PNP: variants seen among roughly 807,000 people sequenced by gnomAD.
The protein encoded by PNP is HEL-S-156an.
Under a neutral mutation model 26.8 loss-of-function variants are expected in PNP, and 18 were observed. The observed-to-expected ratio is 0.67, with a 90% CI of 0.46 to 1.00. PNP has a LOEUF of 1.00. PNP is among the 50% of genes least tolerant of loss of function. PNP has a pLI of 0.00. For synonymous variants in PNP, 116 were observed against 124.8 expected (o/e 0.93, Z 0.47); for missense variants, 320 against 362.9 (o/e 0.88, Z 0.96).
chr14:20,474,205 A>T (rs1057011629), intron 2 of PNP: 2 of 414,850 alleles, frequency 4.8e-6, no homozygotes, highest in African/African-American at 2.0e-5. Context: ...AAATTTCTTT[A>T]AAAAGCCCTT....
intron 2 of PNP, chr14:20,472,830 T>C: frequency 7.6e-6 from 2 of 263,066 alleles, no homozygotes; most frequent in Non-Finnish European, 1.5e-5. Context: ...TCTATCTTCT[T>C]TTCCCTGGAG....
In PNP at chr14:20,474,839, G is replaced by A. The variant is rs1882064175; in HGVS notation, c.352G>A (p.Gly118Arg). 1 of 1,614,094 alleles carries A rather than the reference G, an allele frequency of 6.2e-7. No individual in the cohort carries two copies. The highest frequency in any genetic ancestry group is 1.3e-5 in the African/African-American group (1 of 74,926). Reference protein sequence around the residue: ...VDTLVVTNAAGGLNPKFEVGD... With the variant: ...VDTLVVTNAARGLNPKFEVGD... ...CACCCTGGTAGTCACCAATGCAGCAGGAGGGCTGAACCCCAAGTTTGAGGT... is the reference window on the plus strand; with the variant it reads ...CACCCTGGTAGTCACCAATGCAGCAAGAGGGCTGAACCCCAAGTTTGAGGT... The change falls in exon 4 of 6, where the codon GGA (glycine) becomes AGA (arginine). Residue 118 changes from glycine (G) to arginine (R), a missense_variant. Coordinates refer to ENST00000361505, the MANE Select transcript of PNP (RefSeq NM_000270.4).
chr14:20,469,439 G>C lies in PNP; in HGVS notation c.-86G>C, dbSNP rs1881935218. 1 of 1,529,864 alleles carries C rather than the reference G, an allele frequency of 6.5e-7. No homozygotes were observed. The highest frequency in any genetic ancestry group is 8.9e-7 in the Non-Finnish European group (1 of 1,128,758). 94.8% of individuals were successfully genotyped at this position (1,529,864 alleles called of 1,614,324 possible). On this transcript the variant is annotated 5_prime_UTR_variant, in exon 1 of 6. Transcript: ENST00000361505. Reference sequence around the variant, plus strand: ...GAACCAGACCCGGCAGCCTTGCTCAGTTCAGCATAGCGGAGCGGATCCGAT... The same window carrying C: ...GAACCAGACCCGGCAGCCTTGCTCACTTCAGCATAGCGGAGCGGATCCGAT...
At chr14:20,469,823 C>CGT (rs898285779) in intron 1 of PNP, 52 of 596,770 alleles carry the variant, frequency 8.7e-5, no homozygotes, top group Non-Finnish European at 1.4e-4. Flanking sequence ...TGTGTGTCTC[C>CGT]GTGTGTGTGT....
intron 5 of PNP, among the ~76,000 whole-genome samples, chr14:20,475,803 T>A (rs1272410413): frequency 6.6e-6 from 1 of 152,136 alleles, no homozygotes; most frequent in African/African-American, 2.4e-5. Flanking sequence ...TGACTGTTTC[T>A]AAGAATTCTA....
chr14:20,470,474 A>C (rs1881964221), intron 1 of PNP: 1 of 152,280 alleles, frequency 6.6e-6, no homozygotes, highest in Admixed American at 6.5e-5. Context: ...TTGTGCAATC[A>C]TGTCTGGTTT....
chr14:20,474,284 A>G lies in PNP; in HGVS notation c.182-188A>G, dbSNP rs535548064. The G allele has an allele frequency of 9.9e-5, 58 of 585,586 alleles. No homozygotes were observed. The African/African-American group carries it at 1.1e-3, about 11-fold the overall frequency. 36.3% of individuals were successfully genotyped at this position (585,586 alleles called of 1,614,324 possible). A position where few individuals can be genotyped will look rare whatever the true frequency, so the allele number is the denominator to read the frequency against. ...ATCTCTAATCTTGGGTTGTATTTGT[A>G]TAATTATTAGTAATGCCTGGCTCTC... On this transcript the variant is annotated intron_variant, in intron 2 of 5. Coordinates refer to ENST00000361505, the MANE Select transcript of PNP (RefSeq NM_000270.4).
Position 20,476,769 on chromosome 14 carries a change from ATCCTCTTC to A in PNP, c.*171_*178del, listed in dbSNP as rs1882124707. The A allele has an allele frequency of 1.5e-6, 1 of 679,662 alleles. No homozygotes were observed. Among genetic ancestry groups the A allele is most frequent in the Admixed American group, 2.1e-5 (1 of 47,376 alleles). 42.1% of individuals were successfully genotyped at this position (679,662 alleles called of 1,614,324 possible). The stretch of plus-strand genomic sequence containing the variant: ...TTCTACCAGACCCTTCTGGTGCCAG[ATCCTCTTC>A]TCAAAGCTGGGATTACAGGTGTGAG... On this transcript the variant is annotated 3_prime_UTR_variant, in exon 6 of 6. Coordinates refer to ENST00000361505, the MANE Select transcript of PNP (RefSeq NM_000270.4).
At chr14:20,470,638 CG>C (rs1881967266) in intron 1 of PNP, 1 of 152,238 alleles carries the variant, frequency 6.6e-6, no homozygotes, top group African/African-American at 2.4e-5. Flanking sequence ...AAAAGTAACA[CG>C]GGTTGATTCT....
At chr14:20,470,752 A>C (rs1242341053) in intron 1 of PNP, 1 of 152,524 alleles carries the variant, frequency 6.6e-6, no homozygotes, top group Non-Finnish European at 1.5e-5. Flanking sequence ...GGGGAAGGAC[A>C]GGAAGAAGAC....
At chr14:20,470,640 G>C (rs1457585401) in intron 1 of PNP, 3 of 152,422 alleles carry the variant, frequency 2.0e-5, no homozygotes, top group East Asian at 3.8e-4. Flanking sequence ...AAGTAACACG[G>C]GTTGATTCTT....
At chr14:20,476,299 A>G (rs1882109715) in intron 5 of PNP, 85 bp from the exon 6 acceptor site, 2 of 1,117,598 alleles carry the variant, frequency 1.8e-6, no homozygotes, top group Non-Finnish European at 2.7e-6. Flanking sequence ...GAGATTTTTA[A>G]TTCTTGTTGA....
intron 2 of PNP, chr14:20,473,187 C>T (rs1882025934): frequency 6.6e-6 from 1 of 152,280 alleles, no homozygotes; most frequent in Admixed American, 6.5e-5. Flanking sequence ...GAGAATTTCT[C>T]AGCTCTTCCT....
chr14:20,476,820 G>A lies in PNP; in HGVS notation c.*219G>A, dbSNP rs987189241. ...GGTGTGAGCATAGTGAGACCTTGGC[G>A]CTACAAAATAAAGCTGTTCTCATTC... On this transcript the variant is annotated 3_prime_UTR_variant, in exon 6 of 6. Transcript: ENST00000361505. 17 of 582,786 alleles carry A rather than the reference G, an allele frequency of 2.9e-5. No individual in the cohort carries two copies. The highest frequency in any genetic ancestry group is 1.7e-4 in the South Asian group (9 of 52,064). 36.1% of individuals were successfully genotyped at this position (582,786 alleles called of 1,614,324 possible). A position where few individuals can be genotyped will look rare whatever the true frequency, so the allele number is the denominator to read the frequency against.
At position 20,476,467 on chromosome 14, in the gene PNP, A is replaced by G. The variant is rs761403833; in HGVS notation, c.736A>G (p.Ile246Val). Residue 246 changes from isoleucine to valine, a missense_variant, in exon 6 of 6, where the codon ATC (isoleucine) becomes GTC (valine). Ile to Val is a conservative substitution (Grantham distance 29, BLOSUM62 3). Coordinates refer to ENST00000361505, the MANE Select transcript of PNP (RefSeq NM_000270.4). ...CTTCTCACTCATCACTAACAAGGTCATCATGGATTATGAAAGCCTGGAGAA... is the reference window on the plus strand; with the variant it reads ...CTTCTCACTCATCACTAACAAGGTCGTCATGGATTATGAAAGCCTGGAGAA... Reference protein sequence around the residue: ...FGFSLITNKVIMDYESLEKAN... With the variant: ...FGFSLITNKVVMDYESLEKAN... The G allele has an allele frequency of 1.2e-6, 2 of 1,614,224 alleles. No individual in the cohort carries two copies. The highest frequency in any genetic ancestry group is 1.7e-5 in the Admixed American group (1 of 60,030).
rs1371920044 is a variant in PNP, at chr14:20,474,393, A to G, written c.182-79A>G. On this transcript the variant is annotated intron_variant, in intron 2 of 5. Transcript: ENST00000361505. ...ACCTAACATTTTGAGCAGAGCGAGTAACTCACAGTAGGTGCTTAATGGATA... is the reference window on the plus strand; with the variant it reads ...ACCTAACATTTTGAGCAGAGCGAGTGACTCACAGTAGGTGCTTAATGGATA... 1.3e-5 allele frequency: 15 copies of G among 1,152,726 alleles called. No individual in the cohort carries two copies. The Admixed American group carries it at 2.1e-4, about 16-fold the overall frequency. 71.4% of individuals were successfully genotyped at this position (1,152,726 alleles called of 1,614,324 possible). A position where few individuals can be genotyped will look rare whatever the true frequency, so the allele number is the denominator to read the frequency against.
In PNP at chr14:20,476,408, T is replaced by C; in HGVS notation, c.677T>C (p.Ile226Thr). The C allele has an allele frequency of 6.2e-7, 1 of 1,614,048 alleles. No individual in the cohort carries two copies. The highest frequency in any genetic ancestry group is 1.1e-5 in the South Asian group (1 of 91,066). The change falls in exon 6 of 6, where the codon ATC (isoleucine) becomes ACC (threonine). Residue 226 changes from isoleucine (I) to threonine (T), a missense_variant. Transcript: ENST00000361505. ...GGCATGAGTACAGTACCAGAAGTTA[T>C]CGTTGCACGGCACTGTGGACTTCGA... ...AVGMSTVPEVIVARHCGLRVF... is the reference protein window; with the variant it reads ...AVGMSTVPEVTVARHCGLRVF...
At chr14:20,469,725 C>A (rs766262058) in intron 1 of PNP, 190 bp downstream of exon 1, 18 of 759,982 alleles carry the variant, frequency 2.4e-5, no homozygotes, top group Admixed American at 6.7e-5. Context: ...CGGGCAGGGA[C>A]GCACGCGGGA....
chr14:20,476,322 A>G, intron 5 of PNP, 62 bp from the exon 6 acceptor site: 1 of 1,312,214 alleles, frequency 7.6e-7, no homozygotes. Flanking sequence ...GCGAGGCTAA[A>G]GGGCAAGGAA....
Sources: gnomAD v4.1 joint callset for allele counts (sites outside exome capture counted in the v4.1 genomes callset) on GRCh38, gnomAD v4.1.1 for gene constraint, MANE v1.5 for transcripts, NCBI Gene and HGNC (gene_info 2026-07-23, HGNC 2026-07-21) for gene names.